Variants in FAT1 observed in about 807,000 individuals in gnomAD.
FAT1 encodes the protein protocadherin Fat 1.
FAT1 carries 171 observed loss-of-function variants against 329.8 expected under a neutral mutation model. The observed-to-expected ratio is 0.52, with a 90% CI of 0.46 to 0.59. The LOEUF is 0.59. FAT1 is among the 20% of genes least tolerant of loss of function. The pLI, the probability that FAT1 is intolerant of heterozygous loss-of-function variation, is 0.00. For synonymous variants in FAT1, 2,233 were observed against 2,228.6 expected (o/e 1.00, Z -0.06); for missense variants, 5,672 against 5,774.4 (o/e 0.98, Z 0.57).
intron 1 of FAT1, among the ~76,000 whole-genome samples, chr4:186,719,836 G>A (rs1745383056): frequency 6.6e-6 from 1 of 152,162 alleles, no homozygotes; most frequent in Non-Finnish European, 1.5e-5. Flanking sequence ...TAGTTAGAAT[G>A]GGTATTTTGT....
chr4:186,596,984 C>T lies in FAT1; in HGVS notation c.12556G>A (p.Val4186Ile), dbSNP rs200322175. 3.3e-4 allele frequency: 528 copies of T among 1,613,898 alleles called. No homozygotes were observed. Among genetic ancestry groups the T allele is most frequent in the Non-Finnish European group, 4.3e-4 (513 of 1,179,906 alleles). The change falls in exon 25 of 27, where the codon GTT (valine) becomes ATT (isoleucine). Residue 4186 changes from valine (V) to isoleucine (I), a missense_variant. Transcript: ENST00000441802. This position sits in a 1 kb window ranked among gnomAD's most constrained non-coding sequence, Gnocchi z 4.7. ...AAAAATATCCCTGCAACAAACACAA[C>T]GATTCCAATTCCTTCCGCCAACCCA... is the stretch of plus-strand genomic sequence containing the variant. ...NIGLAEGIGI[V>I]VFVAGIFLLV...
chr4:186,653,895 T>C (rs1312714622), intron 3 of FAT1, among the ~76,000 whole-genome samples: 1 of 152,132 alleles, frequency 6.6e-6, no homozygotes, highest in Admixed American at 6.6e-5. Context: ...CGGTACATGC[T>C]TCATAAAACT....
At chr4:186,668,034 C>T (rs1459389721) in intron 2 of FAT1, among the ~76,000 whole-genome samples, 1 of 152,150 alleles carries the variant, frequency 6.6e-6, no homozygotes, top group Non-Finnish European at 1.5e-5. Context: ...AAGGGTCTTC[C>T]TCATGCATGC....
At chr4:186,643,322 T>G (rs1741189022) in intron 3 of FAT1, among the ~76,000 whole-genome samples, 1 of 152,166 alleles carries the variant, frequency 6.6e-6, no homozygotes, top group Non-Finnish European at 1.5e-5. Context: ...TGGGTTTACT[T>G]TTCTGCGGAG....
At chr4:186,724,140 T>A (rs1411609533), upstream of FAT1, among the ~76,000 whole-genome samples, 38 of 124,258 alleles carry the variant, frequency 3.1e-4, no homozygotes, top group Middle Eastern at 8.1e-3. The surrounding 1 kb of genome is among the most constrained non-coding windows in gnomAD (Gnocchi z 5.3). Context: ...GTGCAAGGAA[T>A]TGGGGAAAGC....
At chr4:186,689,524 G>C (rs528910653) in intron 2 of FAT1, among the ~76,000 whole-genome samples, 1 of 152,016 alleles carries the variant, frequency 6.6e-6, no homozygotes, top group Non-Finnish European at 1.5e-5. Flanking sequence ...GAGAGTCCAA[G>C]TCAAAAGACT....
chr4:186,633,925 T>TA, intron 6 of FAT1, 102 bp from the exon 7 acceptor site: 1 of 1,298,302 alleles, frequency 7.7e-7, no homozygotes. Flanking sequence ...TCTTCTAATA[T>TA]ACTAGCAAAG....
At chr4:186,701,357 A>G (rs1194516028) in intron 2 of FAT1, among the ~76,000 whole-genome samples, 1 of 152,130 alleles carries the variant, frequency 6.6e-6, no homozygotes. Context: ...CTGCCAAGAC[A>G]CAACTTCCAG....
At chr4:186,617,577 G>T (rs185216465) in intron 10 of FAT1, 131 bp downstream of exon 10, 96 of 735,892 alleles carry the variant, frequency 1.3e-4, no homozygotes, top group Middle Eastern at 3.9e-4. Context: ...TTATTTCTAC[G>T]TATTATTTTA....
Position 186,611,607 on chromosome 4 carries a change from G to T in FAT1, c.9632C>A (p.Thr3211Asn). 6.2e-7 allele frequency: 1 copy of T among 1,613,706 alleles called. No homozygotes were observed. Among genetic ancestry groups the T allele is most frequent in the Non-Finnish European group, 8.5e-7 (1 of 1,179,752 alleles). Reference sequence around the variant, plus strand: ...TGATACAATCACAGTGCCAGTGGCAGTCAGCCTCCTTGGCAAGCCTTGATC... The same window carrying T: ...TGATACAATCACAGTGCCAGTGGCATTCAGCCTCCTTGGCAAGCCTTGATC... ...AVDQGLPRRL[T>N]ATGTVIVSVL... Residue 3211 changes from threonine to asparagine, a missense_variant, in exon 14 of 27, where the codon ACT becomes AAT. Physicochemically the swap from Thr to Asn is moderately conservative, Grantham distance 65. Coordinates refer to ENST00000441802, the MANE Select transcript of FAT1 (RefSeq NM_005245.4).
chr4:186,698,362 C>T (rs1744137018), intron 2 of FAT1, among the ~76,000 whole-genome samples: 1 of 152,148 alleles, frequency 6.6e-6, no homozygotes, highest in Non-Finnish European at 1.5e-5. Flanking sequence ...ACCAGGCCAG[C>T]CTAACCATTA....
chr4:186,724,324 G>A (rs1366388018), upstream of FAT1, among the ~76,000 whole-genome samples: 7 of 152,088 alleles, frequency 4.6e-5, no homozygotes, highest in Non-Finnish European at 1.0e-4. The surrounding 1 kb of genome is among the most constrained non-coding windows in gnomAD (Gnocchi z 5.3). Flanking sequence ...GGTTTGGTGG[G>A]CTGAAGTCGT....
intron 1 of FAT1, among the ~76,000 whole-genome samples, chr4:186,722,179 T>C (rs539635909): frequency 4.8e-4 from 73 of 152,304 alleles, no homozygotes; most frequent in Non-Finnish European, 8.5e-4. Flanking sequence ...GTCCGGACCA[T>C]GGATTTAAAT....
chr4:186,609,090 GCT>G, intron 16 of FAT1, 91 bp downstream of exon 16: 1 of 1,471,122 alleles, frequency 6.8e-7, no homozygotes, highest in Non-Finnish European at 9.2e-7. Flanking sequence ...GGTCAGTCCT[GCT>G]CACACCACGC....
chr4:186,723,654 G>A lies in FAT1; in HGVS notation c.-19+10C>T, dbSNP rs1745567437. 2.0e-5 allele frequency: 3 copies of A among 151,500 alleles called. No individual in the cohort carries two copies. Among genetic ancestry groups the A allele is most frequent in the Admixed American group, 6.6e-5 (1 of 15,180 alleles). The allele number at this position is 151,500 out of a possible 1,614,324, so 9.4% of individuals were successfully genotyped here. A position where few individuals can be genotyped will look rare whatever the true frequency, so the allele number is the denominator to read the frequency against. ...CCCCCGCCCGCCGGCCCGCGCCCCA[G>A]CGAACTAACCGCAAAGTTGGCCCGA... is the stretch of plus-strand genomic sequence containing the variant. On this transcript the variant is annotated intron_variant, in intron 1 of 26. Transcript: ENST00000441802.
rs768099038 is a variant in FAT1 at position 186,709,470 on chromosome 4, C to T, written c.358G>A (p.Val120Met). 2 of 1,613,984 alleles carry T rather than the reference C, an allele frequency of 1.2e-6. No individual in the cohort carries two copies. The highest frequency in any genetic ancestry group is 8.5e-7 in the Non-Finnish European group (1 of 1,179,902). The change falls in exon 2 of 27, where the codon GTG becomes ATG. Residue 120 changes from valine to methionine, a missense_variant. Physicochemically the swap from Val to Met is conservative, Grantham distance 21. Coordinates refer to ENST00000441802, the MANE Select transcript of FAT1 (RefSeq NM_005245.4). ...REVKDHYTLIVKALEKNTNVE... is the reference protein window; with the variant it reads ...REVKDHYTLIMKALEKNTNVE... ...TTAGTATTTTTTTCAAGTGCTTTCA[C>T]TATCAATGTGTAGTGATCCTTCACT...
At position 186,708,262 on chromosome 4, in the gene FAT1, T is replaced by C; in HGVS notation, c.1566A>G (p.Ser522=). 1.2e-6 allele frequency: 2 copies of C among 1,614,018 alleles called. No homozygotes were observed. Among genetic ancestry groups the C allele is most frequent in the Middle Eastern group, 1.6e-4 (1 of 6,062 alleles). Residue 522 remains serine (S), a synonymous_variant, in exon 2 of 27, where the codon TCA becomes TCG. Transcript: ENST00000441802. ...IDHFTGAVST[S]ENLDYELMPR... ...GCATCAGTTCGTAGTCCAGGTTTTC[T>C]GACGTACTCACGGCACCAGTGAAAT...
At chr4:186,650,674 T>C (rs1459494646) in intron 3 of FAT1, among the ~76,000 whole-genome samples, 1 of 152,166 alleles carries the variant, frequency 6.6e-6, no homozygotes, top group East Asian at 1.9e-4. Flanking sequence ...GCTTCTCTTA[T>C]ACAGCAGCTA....
At chr4:186,684,763 T>C (rs76541290) in intron 2 of FAT1, among the ~76,000 whole-genome samples, 1 of 152,156 alleles carries the variant, frequency 6.6e-6, no homozygotes, top group African/African-American at 2.4e-5. Context: ...AGGGTAACAA[T>C]TGTTTTAATT....
Sources: gnomAD v4.1 joint callset for allele counts (sites outside exome capture counted in the v4.1 genomes callset) on GRCh38, gnomAD v4.1.1 for gene constraint, Gnocchi (gnomAD v3.1) non-coding constraint, MANE v1.5 for transcripts, NCBI Gene and HGNC (gene_info 2026-07-23, HGNC 2026-07-21) for gene names.